The following MGAT4C variants were observed in gnomAD, a reference collection of about 807,000 sequenced individuals.
The protein encoded by MGAT4C is alpha-1,3-mannosyl-glycoprotein 4-beta-N-acetylglucosaminyltransferase C.
Under a neutral mutation model 40.1 loss-of-function variants are expected in MGAT4C, and 19 were observed. That is an observed-to-expected ratio of 0.47 (90% CI 0.33 to 0.70). The LOEUF (loss-of-function observed/expected upper bound fraction) is 0.70. MGAT4C is among the 30% of genes least tolerant of loss of function. MGAT4C has a pLI of 0.02. For missense variants in MGAT4C, 491 were observed against 563.2 expected, an observed-to-expected ratio of 0.87 and a Z score of 1.30; for synonymous variants, 181 against 187.1, an observed-to-expected ratio of 0.97 and a Z score of 0.27.
At chr12:86,280,506 C>T (rs966799308) in intron 4 of MGAT4C, among the ~76,000 whole-genome samples, 4 of 151,900 alleles carry the variant, frequency 2.6e-5, no homozygotes, top group Admixed American at 6.6e-5. Context: ...CCTACCATTT[C>T]GGATATAAAG....
chr12:86,170,755 C>T (rs1886737138), intron 1 of MGAT4C, among the ~76,000 whole-genome samples: 1 of 149,220 alleles, frequency 6.7e-6, no homozygotes, highest in African/African-American at 2.5e-5. Flanking sequence ...GAGGTTGAAA[C>T]CAGCCTGGGC....
At chr12:86,185,257 C>T (rs1207689327) in intron 1 of MGAT4C, among the ~76,000 whole-genome samples, 4 of 152,052 alleles carry the variant, frequency 2.6e-5, no homozygotes, top group African/African-American at 9.7e-5. Flanking sequence ...TACAGCTTTA[C>T]TTCTTATATT....
chr12:86,811,809 T>C (rs1038948735), intron 1 of MGAT4C, among the ~76,000 whole-genome samples: 1 of 151,394 alleles, frequency 6.6e-6, no homozygotes, highest in African/African-American at 2.4e-5. Flanking sequence ...CAATTTTCAA[T>C]TTTATTGATT....
rs997107263 is a variant in MGAT4C at position 86,715,099 on chromosome 12, C to T, written c.-229+12110G>A. Among the ~76,000 whole-genome samples the T allele has an allele frequency of 2.6e-5, 4 of 151,912 alleles. No homozygotes were observed. The East Asian group carries it at 7.7e-4, about 29-fold the overall frequency. ...TAATTATATATAATTCCTAAATAGCCCTTTACTTTTAAAAGTGGGTAATGA... is the reference window on the plus strand; with the variant it reads ...TAATTATATATAATTCCTAAATAGCTCTTTACTTTTAAAAGTGGGTAATGA... On this transcript the variant is annotated intron_variant, in intron 2 of 7. Transcript: ENST00000548651.
intron 1 of MGAT4C, among the ~76,000 whole-genome samples, chr12:86,073,601 A>C (rs890092213): frequency 5.9e-5 from 9 of 152,032 alleles, no homozygotes; most frequent in Non-Finnish European, 1.0e-4. Flanking sequence ...GAGATCAGAA[A>C]TTTGGGAACT....
chr12:86,692,017 C>G (rs1331137839), intron 2 of MGAT4C, among the ~76,000 whole-genome samples: 1 of 151,988 alleles, frequency 6.6e-6, no homozygotes, highest in Non-Finnish European at 1.5e-5. Flanking sequence ...ATATTAGTCA[C>G]AGTTGAAGAG....
intron 3 of MGAT4C, among the ~76,000 whole-genome samples, chr12:86,362,836 C>T (rs1592744910): frequency 6.8e-6 from 1 of 146,664 alleles, no homozygotes; most frequent in African/African-American, 2.5e-5. Context: ...TGCTGCACTC[C>T]CGCCTGGGTG....
chr12:86,357,323 G>A (rs868329872), intron 3 of MGAT4C, among the ~76,000 whole-genome samples: 14 of 152,110 alleles, frequency 9.2e-5, no homozygotes, highest in African/African-American at 2.4e-4. Flanking sequence ...CCATCTGTAC[G>A]TCACCATCAT....
intron 4 of MGAT4C, among the ~76,000 whole-genome samples, chr12:86,315,546 T>TA (rs55637998): frequency 2.7e-5 from 4 of 150,660 alleles, no homozygotes; most frequent in Non-Finnish European, 4.4e-5. Context: ...ACTAAAAATA[T>TA]AAAAAAAAAA....
chr12:86,029,035 T>G (rs761197193), intron 2 of MGAT4C, among the ~76,000 whole-genome samples: 13 of 151,930 alleles, frequency 8.6e-5, no homozygotes, highest in Non-Finnish European at 1.2e-4. Flanking sequence ...TTATAAAAGA[T>G]TGAAATGATT....
At chr12:85,993,460 T>C (rs1038814889) in intron 2 of MGAT4C, among the ~76,000 whole-genome samples, 1 of 152,146 alleles carries the variant, frequency 6.6e-6, no homozygotes, top group African/African-American at 2.4e-5. Flanking sequence ...AGGGATTGGG[T>C]CCAGCCTCTC....
chr12:86,499,975 G>T (rs1287715791), intron 2 of MGAT4C, among the ~76,000 whole-genome samples: 2 of 151,566 alleles, frequency 1.3e-5, no homozygotes, highest in African/African-American at 4.8e-5. Context: ...ATGAAAGGTG[G>T]GTCTAGAGAC....
chr12:86,834,729 A>G (rs1180890336), intron 1 of MGAT4C, among the ~76,000 whole-genome samples: 1 of 151,724 alleles, frequency 6.6e-6, no homozygotes, highest in Non-Finnish European at 1.5e-5. Context: ...TAATACAAGA[A>G]CTTCAATAAT....
upstream of MGAT4C, among the ~76,000 whole-genome samples, chr12:86,259,162 T>C (rs996085522): frequency 6.6e-6 from 1 of 151,914 alleles, no homozygotes; most frequent in Non-Finnish European, 1.5e-5. Context: ...AAGTAATAAT[T>C]AGTAGAATTT....
intron 4 of MGAT4C, among the ~76,000 whole-genome samples, chr12:86,325,941 T>C (rs1381718487): frequency 6.6e-6 from 1 of 152,116 alleles, no homozygotes; most frequent in Non-Finnish European, 1.5e-5. Context: ...TTTTATTCTA[T>C]TTATTTTATT....
At chr12:86,102,988 TA>T (rs1323792186) in intron 1 of MGAT4C, among the ~76,000 whole-genome samples, 1 of 152,166 alleles carries the variant, frequency 6.6e-6, no homozygotes, top group Non-Finnish European at 1.5e-5. Flanking sequence ...AAAGTATTTA[TA>T]AAAAGAAATA....
At chr12:86,334,273 G>C (rs1167431612) in intron 3 of MGAT4C, 1 of 152,050 alleles carries the variant, frequency 6.6e-6, no homozygotes, top group Non-Finnish European at 1.5e-5. Context: ...AAATGTAGAT[G>C]ATGTTTACCC....
intron 2 of MGAT4C, among the ~76,000 whole-genome samples, chr12:86,695,938 G>A (rs1009907238): frequency 2.0e-4 from 31 of 152,200 alleles, no homozygotes; most frequent in South Asian, 8.3e-4. Context: ...TAGGCCGGGC[G>A]TGGTGGCTCA....
At chr12:86,243,372 T>C (rs1473816073) in intron 1 of MGAT4C, among the ~76,000 whole-genome samples, 3 of 152,220 alleles carry the variant, frequency 2.0e-5, no homozygotes, top group Non-Finnish European at 1.5e-5. Context: ...TTCCCTGTGG[T>C]AGACACACCC....
Sources: allele counts gnomAD v4.1 joint callset (sites outside exome capture counted in the v4.1 genomes callset), GRCh38; gene constraint gnomAD v4.1.1; transcripts MANE v1.5; gene names NCBI Gene and HGNC (gene_info 2026-07-23, HGNC 2026-07-21).